TBC1D21: variants seen among roughly 807,000 people sequenced by gnomAD.
The protein encoded by TBC1D21 is male germ cell Rab GTPase-activating protein.
In TBC1D21, 38 loss-of-function variants were observed where a neutral mutation model predicts 46.0. The ratio of observed to expected loss-of-function variants is 0.83; its 90% CI spans 0.64 to 1.08. The LOEUF (loss-of-function observed/expected upper bound fraction) is 1.08. Among genes scored for constraint, TBC1D21 ranks in the 50% least tolerant of loss-of-function variants. The pLI is 0.00. For missense variants in TBC1D21, 415 were observed against 417.9 expected (o/e 0.99, Z 0.06); for synonymous variants, 151 against 157.2 (o/e 0.96, Z 0.29).
Position 73,885,073 on chromosome 15 carries a change from C to T in TBC1D21, c.549C>T (p.Phe183=), listed in dbSNP as rs746057125. ...QLMVEHDHET[F]WLFQFFLQKT... is the part of the protein sequence containing the mutation. ...TGGTGGAGCACGACCACGAGACCTT[C>T]TGGCTTTTCCAGTTCTTCCTGCAGA... The change falls in exon 6 of 11, where the codon TTC becomes TTT. Residue 183 remains phenylalanine (F), a synonymous_variant. Transcript: ENST00000300504. 1.2e-6 allele frequency: 2 copies of T among 1,613,370 alleles called. No individual in the cohort carries two copies. Among genetic ancestry groups the T allele is most frequent in the Admixed American group, 3.3e-5 (2 of 60,010 alleles).
the TBC1D21 span, among the ~76,000 whole-genome samples, chr15:73,896,044 G>A: frequency 1.3e-5 from 2 of 152,168 alleles, no homozygotes; most frequent in Non-Finnish European, 2.9e-5. Flanking sequence ...GGCAGAGGTG[G>A]AGGTGAGGGT....
At chr15:73,904,324 G>T in the TBC1D21 span, among the ~76,000 whole-genome samples, 1 of 152,332 alleles carries the variant, frequency 6.6e-6, no homozygotes, top group East Asian at 1.9e-4. Context: ...GCCCCCGCAG[G>T]CATGCAGGAA....
At chr15:73,874,611 C>T (rs2068025284) in intron 1 of TBC1D21, among the ~76,000 whole-genome samples, 1 of 152,124 alleles carries the variant, frequency 6.6e-6, no homozygotes, top group South Asian at 2.1e-4. Context: ...GTATTTCGAC[C>T]CAGACAGGTG....
At chr15:73,876,955 T>G (rs1032343828) in intron 1 of TBC1D21, among the ~76,000 whole-genome samples, 4 of 152,202 alleles carry the variant, frequency 2.6e-5, no homozygotes, top group African/African-American at 7.2e-5. Context: ...CTCTGACTGT[T>G]GCATCAAACA....
chr15:73,886,041 A>G (rs749484319), intron 6 of TBC1D21, 37 bp from the exon 7 acceptor site: 33 of 1,594,414 alleles, frequency 2.1e-5, no homozygotes, highest in Non-Finnish European at 2.3e-5. Context: ...CCTTGAAGCC[A>G]AGGGGGACTC....
downstream of TBC1D21, among the ~76,000 whole-genome samples, chr15:73,891,318 C>T (rs2141589941): frequency 6.6e-6 from 1 of 152,292 alleles, no homozygotes; most frequent in South Asian, 2.1e-4. Context: ...TTATGACAGT[C>T]TAGTTTATTT....
the TBC1D21 span, among the ~76,000 whole-genome samples, chr15:73,898,511 G>T: frequency 6.6e-6 from 1 of 152,048 alleles, no homozygotes; most frequent in Non-Finnish European, 1.5e-5. Flanking sequence ...AGAAGAAAAA[G>T]AAAACAGGTG....
intron 9 of TBC1D21, 96 bp downstream of exon 9, chr15:73,887,832 G>C: frequency 9.9e-7 from 1 of 1,005,452 alleles, no homozygotes. Flanking sequence ...TGGGGTGCTG[G>C]GCACCAGTGC....
intron 6 of TBC1D21, 21 bp downstream of exon 6, chr15:73,885,124 C>A: frequency 6.2e-7 from 1 of 1,603,420 alleles, no homozygotes; most frequent in South Asian, 1.1e-5. Flanking sequence ...GGCCTGAGCT[C>A]AGGGACGCCC....
downstream of TBC1D21, among the ~76,000 whole-genome samples, chr15:73,891,831 G>T (rs1382394324): frequency 6.6e-6 from 1 of 152,246 alleles, no homozygotes; most frequent in Non-Finnish European, 1.5e-5. Context: ...AGAGGCTGAG[G>T]GGGTGGGTGC....
intron 10 of TBC1D21, 102 bp downstream of exon 10, chr15:73,888,615 CTCCTCCTCTTCT>C (rs2068300667): frequency 2.5e-6 from 2 of 796,554 alleles, no homozygotes; most frequent in Non-Finnish European, 4.1e-6. Flanking sequence ...CTTCTTCCTC[CTCCTCCTCTTCT>C]TCCTCCTCCT....
At chr15:73,903,222 G>A in the TBC1D21 span, among the ~76,000 whole-genome samples, 1 of 152,230 alleles carries the variant, frequency 6.6e-6, no homozygotes, top group Non-Finnish European at 1.5e-5. Context: ...ACAGGCTGCT[G>A]CCGCCTCCTG....
chr15:73,873,669 G>C lies in TBC1D21; in HGVS notation c.-41G>C, dbSNP rs773997050. On this transcript the variant is annotated 5_prime_UTR_variant, in exon 1 of 11. Coordinates refer to ENST00000300504, the MANE Select transcript of TBC1D21 (RefSeq NM_153356.3). ...GGATTAAGCATCACTAGGGCTCCAA[G>C]TGAGTTCTGATCAGAGGCTGTTCGG... 4.0e-5 allele frequency: 64 copies of C among 1,580,628 alleles called. No individual in the cohort carries two copies. The highest frequency in any genetic ancestry group is 5.4e-5 in the Non-Finnish European group (63 of 1,160,180).
At position 73,887,886 on chromosome 15, in the gene TBC1D21, C is replaced by T. The variant is rs756772389; in HGVS notation, c.894+150C>T. 3.7e-5 allele frequency: 24 copies of T among 648,346 alleles called. No individual in the cohort carries two copies. The East Asian group carries it at 3.9e-4, about 10-fold the overall frequency. 40.2% of individuals were successfully genotyped at this position (648,346 alleles called of 1,614,324 possible). Reference sequence around the variant, plus strand: ...AGAAAGGGCAATGAGATCTAAGGTACGGATTACCGTGCCAAGGGCTTTTAA... The same window carrying T: ...AGAAAGGGCAATGAGATCTAAGGTATGGATTACCGTGCCAAGGGCTTTTAA... On this transcript the variant is annotated intron_variant, in intron 9 of 10. Transcript: ENST00000300504.
chr15:73,881,586 A>G, intron 2 of TBC1D21, 58 bp from the exon 3 acceptor site: 1 of 1,602,584 alleles, frequency 6.2e-7, no homozygotes, highest in African/African-American at 1.3e-5. Flanking sequence ...CGTTGGATGA[A>G]GCCCTTTTGG....
the TBC1D21 span, among the ~76,000 whole-genome samples, chr15:73,898,880 A>AAATATATATATATATATAT: frequency 2.8e-4 from 16 of 56,790 alleles, no homozygotes; most frequent in South Asian, 6.1e-4. Flanking sequence ...AAAAAAAAAA[A>AAATATATATATATATATAT]ATATATATAT....
Position 73,886,526 on chromosome 15 carries a change from G to C in TBC1D21, c.691G>C (p.Gly231Arg). ...FAEHLKGKGA[G>R]AVQSLFPWFC... is the part of the protein sequence containing the mutation. ...TCTCCCCACAGAAGGGAAGGGTGCA[G>C]GGGCTGTGCAGTCCCTCTTCCCCTG... Residue 231 changes from glycine (G) to arginine (R), a missense_variant, in exon 8 of 11, where the codon GGG becomes CGG. Gly to Arg is a moderately radical substitution (Grantham distance 125). Coordinates refer to ENST00000300504, the MANE Select transcript of TBC1D21 (RefSeq NM_153356.3). 12 of 1,613,718 alleles carry C rather than the reference G, an allele frequency of 7.4e-6. No individual in the cohort carries two copies. The highest frequency in any genetic ancestry group is 1.0e-5 in the Non-Finnish European group (12 of 1,179,996).
Position 73,884,765 on chromosome 15 carries a change from C to A in TBC1D21, c.368-16C>A. 1 of 1,605,808 alleles carries A rather than the reference C, an allele frequency of 6.2e-7. No individual in the cohort carries two copies. The highest frequency in any genetic ancestry group is 8.5e-7 in the Non-Finnish European group (1 of 1,172,964). ...GTGATCTGGTGCCACCTACTTGCCC[C>A]TTGCTTCCAACCTAGCACGTGACAT... is the stretch of plus-strand genomic sequence containing the variant. On this transcript the variant is annotated splice_polypyrimidine_tract_variant and intron_variant, in intron 4 of 10. Transcript: ENST00000300504.
the TBC1D21 span, among the ~76,000 whole-genome samples, chr15:73,896,483 G>A: frequency 6.6e-6 from 1 of 151,744 alleles, no homozygotes; most frequent in African/African-American, 2.4e-5. Context: ...TGAGATGAGG[G>A]TAACGGAGCA....
Sources: gnomAD v4.1 joint callset for allele counts (sites outside exome capture counted in the v4.1 genomes callset) on GRCh38, gnomAD v4.1.1 for gene constraint, MANE v1.5 for transcripts, NCBI Gene and HGNC (gene_info 2026-07-23, HGNC 2026-07-21) for gene names.